The following ABCA12 variants were observed in gnomAD, a reference collection of about 807,000 sequenced individuals.
The protein encoded by ABCA12 is ATP binding cassette subfamily A member 12.
In ABCA12, 156 loss-of-function variants were observed where a neutral mutation model predicts 293.5. The observed-to-expected ratio is 0.53, with a 90% CI of 0.47 to 0.61. ABCA12 has a LOEUF of 0.61. ABCA12 is among the 20% of genes least tolerant of loss of function. The probability of loss-of-function intolerance (pLI) is 0.00; values close to 1 mark genes in which losing one functional copy is unlikely to be tolerated. For synonymous variants in ABCA12, 1,063 were observed against 1,108.0 expected (o/e 0.96, Z 0.81); for missense variants, 2,797 against 3,090.2 (o/e 0.91, Z 2.25).
chr2:214,973,356 C>T (rs912321922), intron 36 of ABCA12, among the ~76,000 whole-genome samples: 3 of 152,078 alleles, frequency 2.0e-5, no homozygotes, highest in Non-Finnish European at 4.4e-5. Context: ...CTAATAGTGA[C>T]CTTTTTTCTT....
chr2:215,062,818 C>A (rs2106071692), intron 3 of ABCA12, among the ~76,000 whole-genome samples: 1 of 152,128 alleles, frequency 6.6e-6, no homozygotes, highest in South Asian at 2.1e-4. Flanking sequence ...TTTATAATTT[C>A]TACCTGTTAA....
Position 214,989,382 on chromosome 2 carries a change from G to A in ABCA12, c.3776C>T (p.Ala1259Val). ...AATAAGGAAATAAATGAAAGAGTCA[G>A]CTAGGATTAGACAGCACAGCCAGCC... is the stretch of plus-strand genomic sequence containing the variant. ...SFGWLCCLIL[A>V]DSFIYFLIAW... Residue 1259 changes from alanine (A) to valine (V), a missense_variant, in exon 26 of 53, where the codon GCT becomes GTT. By Grantham distance (64) the Ala-to-Val change is moderately conservative (BLOSUM62 0). Around this residue, in one of 3 missense-constraint regions of ABCA12, gnomAD observed 2,130 missense variants for 2,427.0 expected, o/e 0.88. Transcript: ENST00000272895. 1 of 1,613,494 alleles carries A rather than the reference G, an allele frequency of 6.2e-7. No homozygotes were observed. The highest frequency in any genetic ancestry group is 1.1e-5 in the South Asian group (1 of 91,048).
chr2:215,025,747 A>T lies in ABCA12; in HGVS notation c.1213T>A (p.Phe405Ile). ...NLRLLQSTIR[F>I]KKSFLRNGSY... The stretch of plus-strand genomic sequence containing the variant: ...CCATTGCGAAGAAAAGATTTTTTAA[A>T]TCGTATTGTGGACTGCAGGAGTCTT... The change falls in exon 11 of 53, where the codon TTT becomes ATT. Residue 405 changes from phenylalanine to isoleucine, a missense_variant. Phe to Ile is a conservative substitution (Grantham distance 21). Transcript: ENST00000272895. 1 of 1,613,172 alleles carries T rather than the reference A, an allele frequency of 6.2e-7. No homozygotes were observed. Among genetic ancestry groups the T allele is most frequent in the Non-Finnish European group, 8.5e-7 (1 of 1,179,594 alleles).
Position 215,045,826 on chromosome 2 carries a change from C to T in ABCA12, c.872+11G>A, listed in dbSNP as rs758308753. ...ACACTAATATTACATTTAATTCTTA[C>T]ATTTTCTTACCTGTTTGCCTTTCGA... On this transcript the variant is annotated intron_variant, in intron 7 of 52. Transcript: ENST00000272895. The T allele has an allele frequency of 1.5e-5, 24 of 1,610,926 alleles. 1 individual carries two copies. In the South Asian group the frequency reaches 2.6e-4, roughly 18 times the overall value.
intron 2 of ABCA12, among the ~76,000 whole-genome samples, chr2:215,108,818 C>T (rs1575049639): frequency 6.6e-6 from 1 of 152,136 alleles, no homozygotes; most frequent in East Asian, 1.9e-4. Flanking sequence ...GCCTGTAATC[C>T]CAGCATTTTG....
In ABCA12 at chr2:214,989,351, C is replaced by G. The variant is rs759457954; in HGVS notation, c.3807G>C (p.Trp1269Cys). ...ADSFIYFLIA[W>C]YVRNVFPGTY... ...TACCTGGGAAGACATTCCTGACATA[C>G]CAAGCAATAAGGAAATAAATGAAAG... The change falls in exon 26 of 53, where the codon TGG (tryptophan) becomes TGC (cysteine). Residue 1269 changes from tryptophan (W) to cysteine (C), a missense_variant. Trp to Cys is a radical substitution (Grantham distance 215). This residue lies in a region of ABCA12 where 2,130 missense variants were observed against 2,427.0 expected (regional missense o/e 0.88). Transcript: ENST00000272895. 1 of 1,613,042 alleles carries G rather than the reference C, an allele frequency of 6.2e-7. No individual in the cohort carries two copies. Among genetic ancestry groups the G allele is most frequent in the South Asian group, 1.1e-5 (1 of 91,012 alleles).
At chr2:214,945,211 G>A (rs1698544916) in intron 48 of ABCA12, 107 bp from the exon 49 acceptor site, 2 of 917,490 alleles carry the variant, frequency 2.2e-6, no homozygotes, top group African/African-American at 1.6e-5. Flanking sequence ...TACTTTTCGA[G>A]GTCCTGTGAC....
intron 2 of ABCA12, among the ~76,000 whole-genome samples, chr2:215,085,716 T>C (rs1298127256): frequency 6.6e-6 from 1 of 152,174 alleles, no homozygotes; most frequent in Non-Finnish European, 1.5e-5. Flanking sequence ...ATTCATTCTA[T>C]AGACATTTTG....
intron 11 of ABCA12, 112 bp from the exon 12 acceptor site, chr2:215,019,908 A>G (rs1219400536): frequency 1.5e-6 from 2 of 1,308,260 alleles, no homozygotes; most frequent in African/African-American, 1.5e-5. Context: ...CATTCTGCCT[A>G]TGTATGTGGT....
intron 2 of ABCA12, among the ~76,000 whole-genome samples, chr2:215,080,068 T>A (rs1188890677): frequency 4.6e-5 from 7 of 152,208 alleles, no homozygotes; most frequent in Non-Finnish European, 4.4e-5. Flanking sequence ...GAATCCCACA[T>A]GTAATTGAAA....
chr2:215,092,563 T>C (rs865783321), intron 2 of ABCA12, among the ~76,000 whole-genome samples: 3 of 152,114 alleles, frequency 2.0e-5, no homozygotes, highest in African/African-American at 7.2e-5. Context: ...CTTACCCCAC[T>C]CAATGCTAAT....
At chr2:214,938,209 G>T (rs190508347) in intron 50 of ABCA12, among the ~76,000 whole-genome samples, 1 of 151,128 alleles carries the variant, frequency 6.6e-6, no homozygotes, top group African/African-American at 2.4e-5. Flanking sequence ...TGCAGTGTTT[G>T]GTTTTCTGTT....
At chr2:215,136,595 C>T (rs1242436961) in intron 1 of ABCA12, among the ~76,000 whole-genome samples, 4 of 152,112 alleles carry the variant, frequency 2.6e-5, no homozygotes, top group Non-Finnish European at 5.9e-5. Context: ...ATTTTTATCA[C>T]TTACAAACTT....
intron 4 of ABCA12, among the ~76,000 whole-genome samples, chr2:215,053,294 AG>A (rs1701355922): frequency 6.6e-6 from 1 of 152,116 alleles, no homozygotes; most frequent in Non-Finnish European, 1.5e-5. Flanking sequence ...AATTTAATAC[AG>A]AAGTCTTTTG....
chr2:214,952,647 A>G (rs143092824), intron 44 of ABCA12, among the ~76,000 whole-genome samples: 1 of 152,302 alleles, frequency 6.6e-6, no homozygotes, highest in East Asian at 1.9e-4. Context: ...CTCCATCTAC[A>G]AAATTACACT....
intron 2 of ABCA12, among the ~76,000 whole-genome samples, chr2:215,076,432 A>C (rs1701834944): frequency 6.6e-6 from 1 of 152,142 alleles, no homozygotes; most frequent in Non-Finnish European, 1.5e-5. Flanking sequence ...TTTTTTCTGA[A>C]AAGAAAATAC....
At chr2:215,056,381 A>T (rs757341973) in intron 3 of ABCA12, among the ~76,000 whole-genome samples, 1 of 152,114 alleles carries the variant, frequency 6.6e-6, no homozygotes, top group Non-Finnish European at 1.5e-5. Context: ...CTGGCTCTGC[A>T]GCTCTGAGCT....
intron 2 of ABCA12, among the ~76,000 whole-genome samples, chr2:215,110,832 A>C (rs576684034): frequency 6.6e-6 from 1 of 152,360 alleles, no homozygotes; most frequent in South Asian, 2.1e-4. Flanking sequence ...TTTGATTTAC[A>C]AGAAGCTTTT....
At chr2:215,001,424 C>T in intron 21 of ABCA12, 134 bp downstream of exon 21, 3 of 1,070,144 alleles carry the variant, frequency 2.8e-6, no homozygotes, top group Non-Finnish European at 4.2e-6. Context: ...ATGAAAGGTT[C>T]TCTTTTCTAA....
Sources: allele counts gnomAD v4.1 joint callset (sites outside exome capture counted in the v4.1 genomes callset), GRCh38; gene constraint gnomAD v4.1.1; regional missense constraint gnomAD v4.1.1; transcripts MANE v1.5; gene names NCBI Gene and HGNC (gene_info 2026-07-23, HGNC 2026-07-21).